MITF: variants seen among roughly 807,000 people sequenced by gnomAD.
MITF encodes the protein microphthalmia-associated transcription factor.
MITF carries 17 observed loss-of-function variants against 60.5 expected under a neutral mutation model. The ratio of observed to expected loss-of-function variants is 0.28; its 90% CI spans 0.19 to 0.42. The LOEUF is 0.42. Among genes scored for constraint, MITF ranks in the 10% least tolerant of loss-of-function variants. MITF has a pLI of 1.00. For synonymous variants in MITF, 260 were observed against 248.5 expected (o/e 1.05, Z -0.43); for missense variants, 622 against 683.5 (o/e 0.91, Z 1.00).
At chr3:69,872,563 G>A (rs1353485181) in intron 1 of MITF, among the ~76,000 whole-genome samples, 1 of 152,082 alleles carries the variant, frequency 6.6e-6, no homozygotes, top group Non-Finnish European at 1.5e-5. Flanking sequence ...ATGAAGAAAT[G>A]TTTTAATTTT....
At chr3:69,929,547 T>C (rs1258296085) in intron 2 of MITF, among the ~76,000 whole-genome samples, 4 of 152,188 alleles carry the variant, frequency 2.6e-5, no homozygotes, top group Non-Finnish European at 5.9e-5. Flanking sequence ...ATAAGCACTG[T>C]GAATAGCATT....
chr3:69,901,545 T>TAA (rs2064996023), intron 2 of MITF, among the ~76,000 whole-genome samples: 1 of 152,082 alleles, frequency 6.6e-6, no homozygotes, highest in African/African-American at 2.4e-5. Context: ...AGAGTGCACT[T>TAA]AGAGTGACTA....
At chr3:69,762,366 C>T (rs1236228366) in intron 1 of MITF, among the ~76,000 whole-genome samples, 1 of 152,150 alleles carries the variant, frequency 6.6e-6, no homozygotes, top group African/African-American at 2.4e-5. Context: ...AAAAAAAGGA[C>T]TTGATTCTCA....
At chr3:69,796,380 A>AT (rs1216355237) in intron 1 of MITF, among the ~76,000 whole-genome samples, 12 of 148,856 alleles carry the variant, frequency 8.1e-5, no homozygotes, top group African/African-American at 1.5e-4. Context: ...ATCTGAAAGG[A>AT]TTTTTTTTTC....
intron 1 of MITF, among the ~76,000 whole-genome samples, chr3:69,754,028 T>A (rs1046438243): frequency 6.6e-6 from 1 of 152,156 alleles, no homozygotes; most frequent in Non-Finnish European, 1.5e-5. Flanking sequence ...ATGATATGGT[T>A]TGAATCTGTG....
At chr3:69,924,521 G>C (rs1456558587) in intron 2 of MITF, among the ~76,000 whole-genome samples, 1 of 152,186 alleles carries the variant, frequency 6.6e-6, no homozygotes, top group African/African-American at 2.4e-5. Flanking sequence ...TGTACAGGTT[G>C]TCTCAAATTT....
At chr3:69,946,647 C>G (rs2066103957) in intron 5 of MITF, among the ~76,000 whole-genome samples, 1 of 152,164 alleles carries the variant, frequency 6.6e-6, no homozygotes, top group Non-Finnish European at 1.5e-5. Flanking sequence ...CTTTCTGCTT[C>G]CCACTCCTAA....
chr3:69,786,987 A>G (rs1402448938), intron 1 of MITF, among the ~76,000 whole-genome samples: 6 of 152,026 alleles, frequency 3.9e-5, no homozygotes, highest in African/African-American at 1.5e-4. Flanking sequence ...GTGTTATGTC[A>G]CTTTTAGAGT....
intron 1 of MITF, among the ~76,000 whole-genome samples, chr3:69,748,013 T>G (rs980573402): frequency 7.3e-5 from 11 of 150,296 alleles, no homozygotes; most frequent in African/African-American, 2.7e-4. Flanking sequence ...CCTGTGTTTC[T>G]GTCCTGAGAT....
chr3:69,948,956 T>C (rs1576028547), intron 5 of MITF, 95 bp from the exon 6 acceptor site: 1 of 884,202 alleles, frequency 1.1e-6, no homozygotes, highest in East Asian at 2.5e-5. Flanking sequence ...AAATAATTTT[T>C]CTTAAATAAA....
intron 1 of MITF, among the ~76,000 whole-genome samples, chr3:69,826,936 C>T (rs560723200): frequency 1.3e-5 from 2 of 152,262 alleles, no homozygotes; most frequent in African/African-American, 4.8e-5. Context: ...TTTCCTTTCC[C>T]TTCCTCTCTG....
chr3:69,860,204 A>G (rs1015670270), intron 1 of MITF, among the ~76,000 whole-genome samples: 3 of 152,246 alleles, frequency 2.0e-5, no homozygotes, highest in Admixed American at 6.5e-5. Context: ...TGAGATGAAC[A>G]CTGAGAGAAT....
intron 1 of MITF, among the ~76,000 whole-genome samples, chr3:69,833,151 C>G (rs756287542): frequency 1.4e-5 from 2 of 144,096 alleles, no homozygotes; most frequent in African/African-American, 5.1e-5. Context: ...CTTTCCTGTT[C>G]ACATTGTATG....
intron 1 of MITF, among the ~76,000 whole-genome samples, chr3:69,818,914 A>G (rs2063222447): frequency 6.6e-6 from 1 of 152,184 alleles, no homozygotes; most frequent in Admixed American, 6.5e-5. Flanking sequence ...AATTAATTAA[A>G]ATTTTTATTA....
intron 2 of MITF, among the ~76,000 whole-genome samples, chr3:69,880,672 T>G (rs1003901801): frequency 6.6e-6 from 1 of 152,096 alleles, no homozygotes; most frequent in African/African-American, 2.4e-5. Context: ...AAAATTGATA[T>G]GATCACTAAG....
At chr3:69,755,956 G>T (rs999232503) in intron 1 of MITF, among the ~76,000 whole-genome samples, 4 of 152,084 alleles carry the variant, frequency 2.6e-5, no homozygotes, top group African/African-American at 9.7e-5. Flanking sequence ...TTAGAAGTTT[G>T]CATAAGAATG....
At chr3:69,746,957 T>C (rs925652195) in intron 1 of MITF, among the ~76,000 whole-genome samples, 2 of 152,220 alleles carry the variant, frequency 1.3e-5, no homozygotes, top group African/African-American at 2.4e-5. Context: ...CTTTCTTATT[T>C]CTTCGCTTCG....
chr3:69,878,904 G>T (rs900267568), intron 1 of MITF, among the ~76,000 whole-genome samples: 1 of 151,838 alleles, frequency 6.6e-6, no homozygotes, highest in Admixed American at 6.6e-5. Context: ...AAATTAAGCC[G>T]CCTGATAAAA....
chr3:69,945,624 C>T (rs979017231), intron 5 of MITF, among the ~76,000 whole-genome samples: 2 of 152,222 alleles, frequency 1.3e-5, no homozygotes, highest in East Asian at 1.9e-4. Context: ...CAAATAAGAG[C>T]GGTTGATAGA....
Sources: allele counts gnomAD v4.1 joint callset (sites outside exome capture counted in the v4.1 genomes callset), GRCh38; gene constraint gnomAD v4.1.1; transcripts MANE v1.5; gene names NCBI Gene and HGNC (gene_info 2026-07-23, HGNC 2026-07-21).